CSMD1: variants seen among roughly 807,000 people sequenced by gnomAD.
CSMD1 encodes the protein CUB and Sushi multiple domains 1.
Under a neutral mutation model 417.5 loss-of-function variants are expected in CSMD1, and 213 were observed. The observed-to-expected ratio is 0.51, with a 90% CI of 0.46 to 0.57. The LOEUF is 0.57. Among genes scored for constraint, CSMD1 ranks in the 20% least tolerant of loss-of-function variants. The pLI is 0.00. For missense variants in CSMD1, 6,923 were observed against 4,529.7 expected, an observed-to-expected ratio of 1.53 and a Z score of -15.17; for synonymous variants, 2,862 against 1,736.8, an observed-to-expected ratio of 1.65 and a Z score of -16.11.
intron 3 of CSMD1, among the ~76,000 whole-genome samples, chr8:4,313,444 T>C (rs556498980): frequency 1.1e-3 from 157 of 149,114 alleles, no homozygotes; most frequent in Non-Finnish European, 2.1e-3. Context: ...CATTTAATTC[T>C]CCTCTGAAAA....
At chr8:3,814,828 C>T (rs1054022379) in intron 5 of CSMD1, among the ~76,000 whole-genome samples, 1 of 152,118 alleles carries the variant, frequency 6.6e-6, no homozygotes, top group Non-Finnish European at 1.5e-5. Context: ...AACTCCAGTA[C>T]CATGAAGAAG....
intron 5 of CSMD1, among the ~76,000 whole-genome samples, chr8:3,936,232 C>A (rs1225894390): frequency 6.7e-6 from 1 of 150,066 alleles, no homozygotes; most frequent in East Asian, 1.9e-4. Context: ...CAAGGTAAAG[C>A]AGCAAGTGAT....
At chr8:3,579,258 C>A (rs1275067481) in intron 9 of CSMD1, among the ~76,000 whole-genome samples, 1 of 151,838 alleles carries the variant, frequency 6.6e-6, no homozygotes, top group Non-Finnish European at 1.5e-5. Flanking sequence ...CCAATGCATG[C>A]CATTTTGACA....
At chr8:3,250,743 T>C (rs533133055) in intron 26 of CSMD1, among the ~76,000 whole-genome samples, 5 of 151,900 alleles carry the variant, frequency 3.3e-5, no homozygotes, top group African/African-American at 2.4e-5. Flanking sequence ...TTTTTAATGG[T>C]TGATTGCCAT....
chr8:3,258,043 G>C (rs376437949), intron 26 of CSMD1, among the ~76,000 whole-genome samples: 3 of 152,176 alleles, frequency 2.0e-5, no homozygotes, highest in South Asian at 2.1e-4. Flanking sequence ...AGATGGTGTC[G>C]AGTAGACAGA....
chr8:3,191,397 A>G (rs1289169022), intron 33 of CSMD1, among the ~76,000 whole-genome samples: 7 of 152,218 alleles, frequency 4.6e-5, no homozygotes, highest in African/African-American at 1.4e-4. Context: ...CATAAGTTGC[A>G]GTGAGCCAAG....
intron 2 of CSMD1, among the ~76,000 whole-genome samples, chr8:4,624,575 G>A (rs1264845332): frequency 6.6e-6 from 1 of 152,148 alleles, no homozygotes; most frequent in South Asian, 2.1e-4. Flanking sequence ...AAGATTCTTT[G>A]CTGCTGATGA....
At chr8:4,083,046 G>C (rs1463483485) in intron 3 of CSMD1, among the ~76,000 whole-genome samples, 4 of 151,766 alleles carry the variant, frequency 2.6e-5, no homozygotes, top group African/African-American at 9.7e-5. Context: ...CCAAGTCTTT[G>C]CTATTGTGAA....
At position 4,564,936 on chromosome 8, in the gene CSMD1, T is replaced by C. The variant is rs1434884665; in HGVS notation, c.302+72406A>G. Among the ~76,000 whole-genome samples the C allele has an allele frequency of 2.0e-5, 3 of 152,332 alleles. 1 individual carries two copies. The highest frequency in any genetic ancestry group is 7.2e-5 in the African/African-American group (3 of 41,578). ...ATGATATAGTTAATAGCGGCTTTTC[T>C]AGTGTTATGAATTTTTGTGCTCAAA... On this transcript the variant is annotated intron_variant, in intron 2 of 69. Transcript: ENST00000635120.
intron 1 of CSMD1, among the ~76,000 whole-genome samples, chr8:4,674,321 A>G (rs1462732721): frequency 1.3e-5 from 2 of 152,160 alleles, no homozygotes; most frequent in African/African-American, 2.4e-5. Context: ...AGGCTGAAAA[A>G]AATGCTAAGG....
chr8:4,119,561 G>C (rs917608982), intron 3 of CSMD1, among the ~76,000 whole-genome samples: 1 of 147,070 alleles, frequency 6.8e-6, no homozygotes, highest in African/African-American at 2.5e-5. Context: ...CCTTAAGGGT[G>C]TAGACCAGAG....
At chr8:3,393,511 G>C (rs1811472088) in intron 17 of CSMD1, among the ~76,000 whole-genome samples, 1 of 152,086 alleles carries the variant, frequency 6.6e-6, no homozygotes, top group Non-Finnish European at 1.5e-5. Flanking sequence ...TCTGTTGGCT[G>C]CATAAATGTC....
chr8:3,007,879 A>T (rs1808071618), intron 52 of CSMD1, among the ~76,000 whole-genome samples: 1 of 151,976 alleles, frequency 6.6e-6, no homozygotes. Flanking sequence ...TATGTAACCA[A>T]CCTGCACAAT....
chr8:3,994,000 T>C (rs889718388), intron 5 of CSMD1, among the ~76,000 whole-genome samples: 2 of 152,054 alleles, frequency 1.3e-5, no homozygotes, highest in Admixed American at 6.5e-5. Flanking sequence ...TGCAAGGGGA[T>C]GGGCGTGCCT....
rs539969081 is a variant in CSMD1, at chr8:4,813,418, C to G, written c.86-175860G>C. 3.9e-5 allele frequency among the ~76,000 whole-genome samples: 6 copies of G among 152,266 alleles called. No individual in the cohort carries two copies. The South Asian group carries it at 6.2e-4, about 16-fold the overall frequency. On this transcript the variant is annotated intron_variant, in intron 1 of 69. Transcript: ENST00000635120. ...AAAACTTTAATTTTATGGAACTCAG[C>G]CTACCAGTCTGCCTTGTTTTCTGTA...
At chr8:3,481,770 G>C (rs926303609) in intron 11 of CSMD1, among the ~76,000 whole-genome samples, 1 of 152,164 alleles carries the variant, frequency 6.6e-6, no homozygotes, top group South Asian at 2.1e-4. Context: ...GCCAGCAGCT[G>C]CCCTAAGCTG....
intron 3 of CSMD1, among the ~76,000 whole-genome samples, chr8:4,099,519 G>A (rs1371711587): frequency 6.6e-6 from 1 of 151,748 alleles, no homozygotes; most frequent in South Asian, 2.1e-4. Flanking sequence ...TACGGATTGT[G>A]CCATTATGAG....
chr8:3,518,184 C>T (rs993058505), intron 10 of CSMD1, among the ~76,000 whole-genome samples: 10 of 152,078 alleles, frequency 6.6e-5, no homozygotes, highest in Admixed American at 3.9e-4. Flanking sequence ...TGGTTATTAG[C>T]GAACTATGGA....
chr8:3,448,319 G>GGAAGGAAGGAAGGAA (rs1815437650), intron 12 of CSMD1, among the ~76,000 whole-genome samples: 1 of 11,656 alleles, frequency 8.6e-5, no homozygotes, highest in Non-Finnish European at 2.2e-4. Flanking sequence ...AAGGAAGGAA[G>GGAAGGAAGGAAGGAA]GAAGGGAGCA....
Sources: allele counts gnomAD v4.1 joint callset (sites outside exome capture counted in the v4.1 genomes callset), GRCh38; gene constraint gnomAD v4.1.1; transcripts MANE v1.5; gene names NCBI Gene and HGNC (gene_info 2026-07-23, HGNC 2026-07-21).